The following ABI3BP variants were observed in gnomAD, a reference collection of about 807,000 sequenced individuals.
The protein encoded by ABI3BP is ABI family member 3 binding protein.
A neutral mutation model predicts 268.6 loss-of-function variants in ABI3BP; 216 were observed. The ratio of observed to expected loss-of-function variants is 0.80; its 90% CI spans 0.72 to 0.90. The LOEUF is 0.90. Ranked by LOEUF, ABI3BP falls within the 40% of genes least tolerant of loss-of-function variation. The pLI, the probability that ABI3BP is intolerant of heterozygous loss-of-function variation, is 0.00. For missense variants in ABI3BP, 2,090 were observed against 2,182.4 expected (o/e 0.96, Z 0.84); for synonymous variants, 730 against 730.0 (o/e 1.00, Z 0.00).
intron 10 of ABI3BP, among the ~76,000 whole-genome samples, chr3:100,866,549 G>A (rs566795669): frequency 6.6e-6 from 1 of 152,252 alleles, no homozygotes; most frequent in Non-Finnish European, 1.5e-5. Flanking sequence ...GTGTAGAAAT[G>A]AAAAATGGTC....
intron 9 of ABI3BP, among the ~76,000 whole-genome samples, chr3:100,873,205 A>G (rs2099126239): frequency 2.6e-5 from 4 of 152,220 alleles, no homozygotes; most frequent in Admixed American, 2.6e-4. Context: ...CTATTTATGC[A>G]AAGTTAAGTG....
Position 100,826,744 on chromosome 3 carries a change from G to A in ABI3BP, c.2603-900C>T, listed in dbSNP as rs535261449. On this transcript the variant is annotated intron_variant, in intron 34 of 67. Coordinates refer to ENST00000471714, the MANE Select transcript of ABI3BP (RefSeq NM_001375547.2). ...CTGTCCAAACAAAAGCACTCAAGAG[G>A]CTGGGTAAGGGGTGGCCACTCAGTC... 3.9e-5 allele frequency among the ~76,000 whole-genome samples: 6 copies of A among 152,200 alleles called. No individual in the cohort carries two copies. The South Asian group carries it at 1.0e-3, about 26-fold the overall frequency.
intron 1 of ABI3BP, among the ~76,000 whole-genome samples, chr3:100,980,984 G>A (rs2089087906): frequency 6.6e-6 from 1 of 152,202 alleles, no homozygotes; most frequent in Non-Finnish European, 1.5e-5. Context: ...ACACTATAAT[G>A]TCTGACTGCT....
At chr3:100,791,590 G>A (rs1011792263) in intron 55 of ABI3BP, among the ~76,000 whole-genome samples, 5 of 151,856 alleles carry the variant, frequency 3.3e-5, no homozygotes, top group Non-Finnish European at 5.9e-5. Context: ...GTTCATTGCT[G>A]AGGCTGGTAA....
At chr3:100,758,303 G>C (rs1016181556) in intron 63 of ABI3BP, among the ~76,000 whole-genome samples, 1 of 152,070 alleles carries the variant, frequency 6.6e-6, no homozygotes, top group South Asian at 2.1e-4. Flanking sequence ...GATACTATTC[G>C]TTATAGTAAT....
At position 100,951,861 on chromosome 3, in the gene ABI3BP, A is replaced by C. The variant is rs76458280; in HGVS notation, c.80-25380T>G. On this transcript the variant is annotated intron_variant, in intron 1 of 67. Coordinates refer to ENST00000471714, the MANE Select transcript of ABI3BP (RefSeq NM_001375547.2). ...GACCACTTTGGTGCAGGTCATCTTG[A>C]GCCCAAAATTTTATTATAATAGAAG... 1.8e-4 allele frequency among the ~76,000 whole-genome samples: 28 copies of C among 152,020 alleles called. No homozygotes were observed. The East Asian group carries it at 5.4e-3, about 29-fold the overall frequency.
intron 14 of ABI3BP, among the ~76,000 whole-genome samples, chr3:100,861,160 C>T (rs1271543121): frequency 2.0e-5 from 3 of 152,116 alleles, no homozygotes; most frequent in Admixed American, 1.3e-4. Flanking sequence ...TCTGGATAAG[C>T]GAACAAGCAT....
At chr3:100,754,240 C>T (rs74334843) in intron 64 of ABI3BP, among the ~76,000 whole-genome samples, 13 of 152,282 alleles carry the variant, frequency 8.5e-5, no homozygotes, top group Non-Finnish European at 1.9e-4. Flanking sequence ...AGATGTATCT[C>T]ATTAAGGAAT....
At chr3:100,799,179 C>T (rs1368059836) in intron 51 of ABI3BP, among the ~76,000 whole-genome samples, 1 of 152,118 alleles carries the variant, frequency 6.6e-6, no homozygotes, top group African/African-American at 2.4e-5. Context: ...CTCTTGCTCT[C>T]ATTCCTTTAA....
intron 9 of ABI3BP, among the ~76,000 whole-genome samples, chr3:100,874,182 G>A (rs1044497891): frequency 3.3e-5 from 5 of 152,060 alleles, no homozygotes; most frequent in Non-Finnish European, 7.4e-5. Flanking sequence ...AATTCGGGAG[G>A]TGGGTTGGTG....
chr3:100,963,446 A>G (rs774375865), intron 1 of ABI3BP, among the ~76,000 whole-genome samples: 14 of 152,162 alleles, frequency 9.2e-5, no homozygotes, highest in Non-Finnish European at 1.9e-4. Context: ...TCACCACTAA[A>G]TTACCACTAA....
intron 43 of ABI3BP, 99 bp from the exon 44 acceptor site, chr3:100,816,070 AT>A (rs532183840): frequency 1.1e-6 from 1 of 947,260 alleles, no homozygotes; most frequent in Non-Finnish European, 1.5e-6. Flanking sequence ...ATGATACACA[AT>A]TTTTTAAAAC....
At position 100,796,977 on chromosome 3, in the gene ABI3BP, T is replaced by TG. The variant is rs148737688; in HGVS notation, c.3758-510dup. Among the ~76,000 whole-genome samples, 1,028 of 152,102 alleles carry TG rather than the reference T, an allele frequency of 6.8e-3. 15 individuals carry two copies. Among genetic ancestry groups the TG allele is most frequent in the African/African-American group, 0.024 (979 of 41,518 alleles). On this transcript the variant is annotated intron_variant, in intron 51 of 67. Coordinates refer to ENST00000471714, the MANE Select transcript of ABI3BP (RefSeq NM_001375547.2). ...TATTCTAAATGGCACTTACCGTTGC[T>TG]GGGGGGAGAAAATGAAGCAAAAGGA... is the stretch of plus-strand genomic sequence containing the variant.
intron 56 of ABI3BP, among the ~76,000 whole-genome samples, chr3:100,788,626 CAA>C (rs2097116564): frequency 1.3e-5 from 2 of 152,048 alleles, no homozygotes; most frequent in Non-Finnish European, 2.9e-5. Context: ...TCATGACACA[CAA>C]AGTCAGAGAG....
intron 67 of ABI3BP, among the ~76,000 whole-genome samples, chr3:100,751,182 T>A (rs1409273937): frequency 6.6e-6 from 1 of 152,214 alleles, no homozygotes; most frequent in African/African-American, 2.4e-5. Flanking sequence ...GTACTATTTT[T>A]TCCATTTATG....
intron 62 of ABI3BP, 96 bp from the exon 63 acceptor site, chr3:100,766,045 A>G: frequency 1.2e-6 from 1 of 845,976 alleles, no homozygotes; most frequent in South Asian, 1.6e-5. Flanking sequence ...ACTTACATAA[A>G]GTAAGCAATT....
chr3:100,957,427 A>G (rs1326926222), intron 1 of ABI3BP, among the ~76,000 whole-genome samples: 1 of 152,216 alleles, frequency 6.6e-6, no homozygotes, highest in Non-Finnish European at 1.5e-5. Context: ...GTCTATTAGA[A>G]AGCCAAATAG....
At position 100,898,861 on chromosome 3, in the gene ABI3BP, A is replaced by G; in HGVS notation, c.362T>C (p.Val121Ala). 6.2e-7 allele frequency: 1 copy of G among 1,613,180 alleles called. No homozygotes were observed. Among genetic ancestry groups the G allele is most frequent in the Non-Finnish European group, 8.5e-7 (1 of 1,179,616 alleles). The change falls in exon 4 of 68, where the codon GTG (valine) becomes GCG (alanine). Residue 121 changes from valine (V) to alanine (A), a missense_variant. Transcript: ENST00000471714. ...CGAGCTCGGTGTCAGAGTGCCAACC[A>G]CCAGCTGCAGAGGTTTGCGAGAACG... ...KTRSRKPLQL[V>A]VGTLTPSSVF... is the part of the protein sequence containing the mutation.
chr3:100,874,963 G>T, intron 8 of ABI3BP, 30 bp from the exon 9 acceptor site: 1 of 1,317,126 alleles, frequency 7.6e-7, no homozygotes, highest in South Asian at 1.3e-5. Flanking sequence ...AATAAGATAA[G>T]GGGAAGAAAG....
Sources: allele counts gnomAD v4.1 joint callset (sites outside exome capture counted in the v4.1 genomes callset), GRCh38; gene constraint gnomAD v4.1.1; transcripts MANE v1.5; gene names NCBI Gene and HGNC (gene_info 2026-07-23, HGNC 2026-07-21).